Variants in ADAD2 observed in about 807,000 individuals in gnomAD.
ADAD2 encodes adenosine deaminase domain containing 2, also known as adenosine deaminase domain-containing protein 2.
A neutral mutation model predicts 54.5 loss-of-function variants in ADAD2; 60 were observed. The ratio of observed to expected loss-of-function variants is 1.10; its 90% CI spans 0.89 to 1.36. The LOEUF (loss-of-function observed/expected upper bound fraction) is 1.36. Ranked by LOEUF, ADAD2 falls within the 40% of genes most tolerant of loss-of-function variation. The pLI, the probability that ADAD2 is intolerant of heterozygous loss-of-function variation, is 0.00. For synonymous variants in ADAD2, 543 were observed against 366.2 expected (o/e 1.48, Z -5.51); for missense variants, 1,103 against 801.3 (o/e 1.38, Z -4.54).
At chr16:84,196,453 A>G in intron 8 of ADAD2, 83 bp downstream of exon 8, 1 of 1,554,812 alleles carries the variant, frequency 6.4e-7, no homozygotes, top group South Asian at 1.2e-5. Flanking sequence ...CCTCAGTCTA[A>G]TCCCAGCGCA....
chr16:84,191,263 C>A lies in ADAD2; in HGVS notation c.33C>A (p.Asp11Glu). MASASQGADD[D>E]GSRRKPRLAA... The stretch of plus-strand genomic sequence containing the variant: ...CGGCTTCTCAGGGCGCTGACGACGA[C>A]GGCAGTCGTAGGAAGCCCCGCCTGG... Residue 11 changes from aspartate (D) to glutamate (E), a missense_variant, in exon 1 of 10, where the codon GAC (aspartate) becomes GAA (glutamate). Transcript: ENST00000315906. The A allele has an allele frequency of 1.2e-6, 2 of 1,604,658 alleles. No homozygotes were observed. The highest frequency in any genetic ancestry group is 1.3e-5 in the African/African-American group (1 of 74,840).
In ADAD2 at chr16:84,195,846, C is replaced by T; in HGVS notation, c.1084C>T (p.His362Tyr). The T allele has an allele frequency of 6.2e-7, 1 of 1,607,326 alleles. No individual in the cohort carries two copies. ...CCCCACCTCGGAAGGTGGCCTCCCG[C>T]ACAGCCCACCCATGCGCCTGCAGGC... ...LPPTSEGGLP[H>Y]SPPMRLQAHV... Residue 362 changes from histidine (H) to tyrosine (Y), a missense_variant, in exon 7 of 10, where the codon CAC (histidine) becomes TAC (tyrosine). His to Tyr is a moderately conservative substitution (Grantham distance 83). Coordinates refer to ENST00000315906, the MANE Select transcript of ADAD2 (RefSeq NM_001145400.2).
Position 84,193,989 on chromosome 16 carries a change from A to G in ADAD2, c.419-453A>G, listed in dbSNP as rs754217473. ...TTTTGTGTTATAAGTAACACCCAAA[A>G]TGATACTGTTTCATAGGAAAAGTGT... is the stretch of plus-strand genomic sequence containing the variant. On this transcript the variant is annotated intron_variant, in intron 1 of 9. Transcript: ENST00000315906. 7.1e-6 allele frequency: 11 copies of G among 1,554,486 alleles called. No homozygotes were observed. The African/African-American group carries it at 1.5e-4, about 21-fold the overall frequency.
rs11149631 is a variant in ADAD2, at chr16:84,195,164, G to T, written c.703G>T (p.Gly235Trp). 2 of 1,613,200 alleles carry T rather than the reference G, an allele frequency of 1.2e-6. No homozygotes were observed. The highest frequency in any genetic ancestry group is 1.1e-5 in the South Asian group (1 of 91,076). The change falls in exon 4 of 10, where the codon GGG becomes TGG. Residue 235 changes from glycine (G) to tryptophan (W), a missense_variant. Gly to Trp is a radical substitution (Grantham distance 184). Coordinates refer to ENST00000315906, the MANE Select transcript of ADAD2 (RefSeq NM_001145400.2). ...GCGCTCGCCATACTGGGCCTGTAAG[G>T]GGACTGTGGCTGGAGTCATCCTGGA... ...DERSPYWACKGTVAGVILERE... is the reference protein window; with the variant it reads ...DERSPYWACKWTVAGVILERE...
In ADAD2 at chr16:84,195,659, C is replaced by A. The variant is rs753242775; in HGVS notation, c.1014C>A (p.Tyr338Ter). The A allele has an allele frequency of 1.3e-6, 2 of 1,587,816 alleles. No individual in the cohort carries two copies. The highest frequency in any genetic ancestry group is 2.2e-5 in the East Asian group (1 of 44,730). The stretch of plus-strand genomic sequence containing the variant: ...AGCCCCGCGTCTTCCTGCACCTCTA[C>A]ATCAGCAACACCCCCAAGGGCGCGG... ...TLKPRVFLHL[Y>*]ISNTPKGAAR... The change falls in exon 6 of 10, where the codon TAC becomes TAA. Residue 338 changes from tyrosine (Y) to a stop codon, truncating the protein, a stop_gained. Coordinates refer to ENST00000315906, the MANE Select transcript of ADAD2 (RefSeq NM_001145400.2). LOFTEE classifies it high-confidence loss of function.
chr16:84,191,316 C>T lies in ADAD2; in HGVS notation c.86C>T (p.Pro29Leu), dbSNP rs759599115. The T allele has an allele frequency of 3.1e-6, 5 of 1,588,628 alleles. No homozygotes were observed. In the African/African-American group the frequency reaches 5.4e-5, roughly 17 times the overall value. ...LAASLQISPQ[P>L]RPWRPLPAQA... ...GCATCGTTGCAGATCAGCCCCCAGC[C>T]CCGCCCCTGGCGACCGCTACCCGCC... is the stretch of plus-strand genomic sequence containing the variant. The change falls in exon 1 of 10, where the codon CCC becomes CTC. Residue 29 changes from proline (P) to leucine (L), a missense_variant. Physicochemically the swap from Pro to Leu is moderately conservative, Grantham distance 98. Coordinates refer to ENST00000315906, the MANE Select transcript of ADAD2 (RefSeq NM_001145400.2).
At chr16:84,193,763 CGTCT>C (rs993817707) in intron 1 of ADAD2, 13 of 414,908 alleles carry the variant, frequency 3.1e-5, no homozygotes, top group African/African-American at 2.0e-4. Flanking sequence ...ATCCCTTCCA[CGTCT>C]GTCTGTGGTT....
intron 4 of ADAD2, 35 bp downstream of exon 4, chr16:84,195,229 C>A (rs747971780): frequency 8.7e-6 from 14 of 1,609,918 alleles, no homozygotes; most frequent in African/African-American, 2.7e-5. Flanking sequence ...CTGGCCCCGG[C>A]CCCCTGGGAA....
At position 84,195,617 on chromosome 16, in the gene ADAD2, A is replaced by G. The variant is rs772099322; in HGVS notation, c.972A>G (p.Gly324=). The change falls in exon 6 of 10, where the codon GGA becomes GGG. Residue 324 remains glycine (G), a synonymous_variant. Coordinates refer to ENST00000315906, the MANE Select transcript of ADAD2 (RefSeq NM_001145400.2). ...TGCTGGCCCCCCAGCCAGGGCCCGG[A>G]CCCCCATTCACCCTCAAGCCCCGCG... The part of the protein sequence containing the change: ...QSVLAPQPGP[G]PPFTLKPRVF... 1.9e-6 allele frequency: 3 copies of G among 1,600,492 alleles called. No homozygotes were observed. Among genetic ancestry groups the G allele is most frequent in the Non-Finnish European group, 2.6e-6 (3 of 1,174,600 alleles).
rs779796486 is a variant in ADAD2, at chr16:84,196,841, C to G, written c.1648-29C>G. 31 of 1,592,476 alleles carry G rather than the reference C, an allele frequency of 1.9e-5. No individual in the cohort carries two copies. The Admixed American group carries it at 3.8e-4, about 19-fold the overall frequency. On this transcript the variant is annotated intron_variant, in intron 9 of 9. Transcript: ENST00000315906. ...TCCCTGCCCCCTGCAGGTACCTCCT[C>G]TCACCCCACCTCTCATCTCCCGCCC...
In ADAD2 at chr16:84,195,109, G is replaced by C; in HGVS notation, c.648G>C (p.Val216=). The change falls in exon 4 of 10, where the codon GTG becomes GTC. Residue 216 remains valine, a synonymous_variant. Transcript: ENST00000315906. ...LTHEQRCAAL[V]SAGFDLLLDE... The stretch of plus-strand genomic sequence containing the variant: ...ATGAGCAGCGCTGCGCAGCGTTGGT[G>C]AGCGCCGGCTTTGACCTCCTGTTGG... 6.2e-7 allele frequency: 1 copy of C among 1,613,746 alleles called. No homozygotes were observed. Among genetic ancestry groups the C allele is most frequent in the Non-Finnish European group, 8.5e-7 (1 of 1,179,990 alleles).
intron 1 of ADAD2, chr16:84,193,890 T>A (rs545958626): frequency 1.7e-6 from 2 of 1,159,346 alleles, no homozygotes; most frequent in African/African-American, 3.1e-5. Context: ...GGAGAAACAA[T>A]TTAGCAGCAA....
intron 9 of ADAD2, 33 bp from the exon 10 acceptor site, chr16:84,196,836 CT>C (rs1198530169): frequency 2.5e-6 from 4 of 1,593,460 alleles, no homozygotes; most frequent in Non-Finnish European, 3.4e-6. Flanking sequence ...CTGCAGGTAC[CT>C]CCTCTCACCC....
In ADAD2 at chr16:84,191,602, G is replaced by A. The variant is rs1034424850; in HGVS notation, c.372G>A (p.Ala124=). ...SQAVSLLTEY[A]ASLGIFLLFR... ...CCGTGTCCTTGCTCACGGAGTACGC[G>A]GCCAGCCTGGGCATCTTCCTGCTCT... The change falls in exon 1 of 10, where the codon GCG becomes GCA. Residue 124 remains alanine (A), a synonymous_variant. Transcript: ENST00000315906. The A allele has an allele frequency of 9.0e-6, 14 of 1,552,256 alleles. No individual in the cohort carries two copies. The highest frequency in any genetic ancestry group is 1.2e-5 in the Non-Finnish European group (14 of 1,148,142).
At position 84,196,358 on chromosome 16, in the gene ADAD2, G is replaced by A. The variant is rs1298845639; in HGVS notation, c.1514G>A (p.Arg505His). 8.7e-6 allele frequency: 14 copies of A among 1,611,788 alleles called. No individual in the cohort carries two copies. The highest frequency in any genetic ancestry group is 5.5e-5 in the South Asian group (5 of 90,940). Residue 505 changes from arginine (R) to histidine (H), a missense_variant, in exon 8 of 10, where the codon CGT becomes CAT. By Grantham distance (29) the Arg-to-His change is conservative. Coordinates refer to ENST00000315906, the MANE Select transcript of ADAD2 (RefSeq NM_001145400.2). ...GAGGTTGTGGATGTGGCCACCGGGC[G>A]TGTGAAGGCCAAGTGAGAAGGGCCC... Reference protein sequence around the residue: ...GIEVVDVATGRVKANAALGPP... With the variant: ...GIEVVDVATGHVKANAALGPP...
In ADAD2 at chr16:84,195,297, G is replaced by C. The variant is rs770835820; in HGVS notation, c.735G>C (p.Glu245Asp). Residue 245 changes from glutamate to aspartate, a missense_variant and splice_region_variant, in exon 5 of 10, where the codon GAG becomes GAC. Physicochemically the swap from Glu to Asp is conservative, Grantham distance 45 (BLOSUM62 2). Transcript: ENST00000315906. The stretch of plus-strand genomic sequence containing the variant: ...CCGTCTCTGCCCCCTCCTGCACAGA[G>C]ATCCCGCGTGCCAGGGGCCACGTGA... The part of the protein sequence containing the change: ...GTVAGVILER[E>D]IPRARGHVKE... 1.2e-6 allele frequency: 2 copies of C among 1,611,730 alleles called. No individual in the cohort carries two copies. Among genetic ancestry groups the C allele is most frequent in the African/African-American group, 2.7e-5 (2 of 74,922 alleles).
At chr16:84,193,481 C>CT (rs1327375384) in intron 1 of ADAD2, 1 of 153,186 alleles carries the variant, frequency 6.5e-6, no homozygotes, top group Non-Finnish European at 1.5e-5. Flanking sequence ...GATGTCGAGT[C>CT]TTTGGCACGC....
At chr16:84,194,673 G>C (rs35446963) in intron 2 of ADAD2, 91 bp downstream of exon 2, 6 of 1,538,032 alleles carry the variant, frequency 3.9e-6, no homozygotes, top group Non-Finnish European at 5.3e-6. Context: ...GTGGCTGTGC[G>C]TGTGAGCAGG....
Position 84,195,374 on chromosome 16 carries a change from G to A in ADAD2, c.812G>A (p.Gly271Asp). Residue 271 changes from glycine to aspartate, a missense_variant, in exon 5 of 10, where the codon GGC becomes GAC. Coordinates refer to ENST00000315906, the MANE Select transcript of ADAD2 (RefSeq NM_001145400.2). Reference protein sequence around the residue: ...ALGTGSSCCAGWLEFSGQQLH... With the variant: ...ALGTGSSCCADWLEFSGQQLH... ...GGCACCGGCAGCAGCTGCTGTGCTG[G>A]CTGGCTGGAGTTCTCGGGCCAGCAG... is the stretch of plus-strand genomic sequence containing the variant. 1.9e-6 allele frequency: 3 copies of A among 1,609,104 alleles called. No individual in the cohort carries two copies.
Sources: allele counts gnomAD v4.1 joint callset, GRCh38; gene constraint gnomAD v4.1.1; transcripts MANE v1.5; gene names NCBI Gene and HGNC (gene_info 2026-07-23, HGNC 2026-07-21).